The following WNK1 variants were observed in gnomAD, a reference collection of about 807,000 sequenced individuals.
WNK1 encodes the protein serine/threonine-protein kinase WNK1.
WNK1 carries 38 observed loss-of-function variants against 222.8 expected under a neutral mutation model. That is an observed-to-expected ratio of 0.17 (90% CI 0.13 to 0.22). WNK1 has a LOEUF of 0.22. Ranked by LOEUF, WNK1 falls within the 10% of genes least tolerant of loss-of-function variation. The pLI is 1.00. For missense variants in WNK1, 2,348 were observed against 2,918.4 expected (o/e 0.80, Z 4.50); for synonymous variants, 1,090 against 1,092.9 (o/e 1.00, Z 0.05).
chr12:904,886 T>C (rs1955569894), intron 26 of WNK1, among the ~76,000 whole-genome samples: 1 of 152,168 alleles, frequency 6.6e-6, no homozygotes, highest in South Asian at 2.1e-4. Context: ...AAGTGGGAGA[T>C]GTGTGCTAGA....
chr12:818,188 C>T (rs1343956872), intron 2 of WNK1, among the ~76,000 whole-genome samples: 3 of 152,174 alleles, frequency 2.0e-5, no homozygotes, highest in African/African-American at 7.2e-5. Flanking sequence ...TCCCTTCCTC[C>T]AGCCAGGCAG....
chr12:886,126 T>TG lies in WNK1; in HGVS notation c.5280+42_5280+43insG, dbSNP rs748385283. ...AAAATAATTAGATAAATATGATCAG[T>TG]TTTTTTTCTCCCTAATGAGTACATT... On this transcript the variant is annotated intron_variant, in intron 19 of 27. Transcript: ENST00000315939. The TG allele has an allele frequency of 6.5e-6, 9 of 1,387,714 alleles. No individual in the cohort carries two copies. In the Admixed American group the frequency reaches 2.4e-4, roughly 37 times the overall value. 86.0% of individuals were successfully genotyped at this position (1,387,714 alleles called of 1,614,324 possible). A position where few individuals can be genotyped will look rare whatever the true frequency, so the allele number is the denominator to read the frequency against.
At chr12:903,857 G>A (rs72650782) in intron 26 of WNK1, among the ~76,000 whole-genome samples, 2 of 152,122 alleles carry the variant, frequency 1.3e-5, no homozygotes, top group African/African-American at 2.4e-5. Context: ...TTGGAAGCAC[G>A]GCTTGGCTTA....
At chr12:900,181 T>G in intron 25 of WNK1, among the ~76,000 whole-genome samples, 1 of 151,940 alleles carries the variant, frequency 6.6e-6, no homozygotes, top group Non-Finnish European at 1.5e-5. Flanking sequence ...AGACAGGGTT[T>G]CATCATGTTG....
rs574406565 is a variant in WNK1, at chr12:806,866, T to G, written c.760-6776T>G. Reference sequence around the variant, plus strand: ...GACCTTGCCAGGCATAAAGATATTGTATATTTTTATGTACATGCTCAATAT... The same window carrying G: ...GACCTTGCCAGGCATAAAGATATTGGATATTTTTATGTACATGCTCAATAT... On this transcript the variant is annotated intron_variant, in intron 1 of 27. Coordinates refer to ENST00000315939, the MANE Select transcript of WNK1 (RefSeq NM_018979.4). 2.6e-5 allele frequency among the ~76,000 whole-genome samples: 4 copies of G among 152,362 alleles called. No homozygotes were observed. The South Asian group carries it at 8.3e-4, about 32-fold the overall frequency.
Position 791,317 on chromosome 12 carries a change from A to G in WNK1, c.760-22325A>G, listed in dbSNP as rs762969051. 3.9e-5 allele frequency among the ~76,000 whole-genome samples: 6 copies of G among 152,030 alleles called. No individual in the cohort carries two copies. The East Asian group carries it at 7.7e-4, about 19-fold the overall frequency. On this transcript the variant is annotated intron_variant, in intron 1 of 27. Coordinates refer to ENST00000315939, the MANE Select transcript of WNK1 (RefSeq NM_018979.4). ...CTTATAACTAAGAAAAAGATAATAC[A>G]TGAATAGAGAGGCCTATCTGGAAAT...
intron 26 of WNK1, among the ~76,000 whole-genome samples, chr12:901,321 G>A (rs985033722): frequency 6.6e-6 from 1 of 152,224 alleles, no homozygotes; most frequent in Non-Finnish European, 1.5e-5. Flanking sequence ...CACTTGATTG[G>A]TAAGGAGGGC....
At position 880,764 on chromosome 12, in the gene WNK1, A is replaced by G. The variant is rs779546840; in HGVS notation, c.2876A>G (p.Asn959Ser). ...RLPPQYPGDS[N>S]IAPSSNVASV... Reference sequence around the variant, plus strand: ...CCACCACAGTACCCAGGAGATTCAAATATTGCTCCCTCTTCCAACGTGGCT... The same window carrying G: ...CCACCACAGTACCCAGGAGATTCAAGTATTGCTCCCTCTTCCAACGTGGCT... Residue 959 changes from asparagine to serine, a missense_variant, in exon 12 of 28, where the codon AAT becomes AGT. By Grantham distance (46) the Asn-to-Ser change is conservative. This residue lies in a region of WNK1 where 547 missense variants were observed against 558.3 expected (regional missense o/e 0.98). Coordinates refer to ENST00000315939, the MANE Select transcript of WNK1 (RefSeq NM_018979.4). The G allele has an allele frequency of 6.2e-7, 1 of 1,613,740 alleles. No homozygotes were observed. The highest frequency in any genetic ancestry group is 1.1e-5 in the South Asian group (1 of 91,044).
intron 1 of WNK1, among the ~76,000 whole-genome samples, chr12:805,766 T>C (rs1000572238): frequency 1.3e-5 from 2 of 152,176 alleles, no homozygotes; most frequent in African/African-American, 4.8e-5. Context: ...ACTTATAAAT[T>C]GTCATTTAGG....
chr12:833,768 G>A lies in WNK1; in HGVS notation c.1311+3608G>A, dbSNP rs368602461. ...TAAAATATTTTAATCTAGTACATCT[G>A]TATAATTTCATCCTTATCTGTAGCA... On this transcript the variant is annotated intron_variant, in intron 4 of 27. Coordinates refer to ENST00000315939, the MANE Select transcript of WNK1 (RefSeq NM_018979.4). Among the ~76,000 whole-genome samples the A allele has an allele frequency of 2.0e-5, 3 of 151,966 alleles. No individual in the cohort carries two copies. In the South Asian group the frequency reaches 6.2e-4, roughly 32 times the overall value.
rs960175216 is a variant in WNK1, at chr12:752,629, C to G, written c.-937C>G. ...AGAGTTTCCCGGGTGGACGCGGCTC[C>G]TCTCTCGGCCACTCCGCACCCCCAT... On this transcript the variant is annotated 5_prime_UTR_variant, in exon 1 of 28. Transcript: ENST00000315939. 6.6e-6 allele frequency: 1 copy of G among 152,326 alleles called. No individual in the cohort carries two copies. Among genetic ancestry groups the G allele is most frequent in the Non-Finnish European group, 1.5e-5 (1 of 68,138 alleles). 9.4% of individuals were successfully genotyped at this position (152,326 alleles called of 1,614,324 possible).
Position 880,071 on chromosome 12 carries a change from G to A in WNK1, c.2832+40G>A, listed in dbSNP as rs201227489. On this transcript the variant is annotated intron_variant, in intron 11 of 27. Coordinates refer to ENST00000315939, the MANE Select transcript of WNK1 (RefSeq NM_018979.4). ...AGCAAAAGAGGGCACCACAGAGTTTGATCCTAGTAGATCATCAGGAACATG... is the reference window on the plus strand; with the variant it reads ...AGCAAAAGAGGGCACCACAGAGTTTAATCCTAGTAGATCATCAGGAACATG... The A allele has an allele frequency of 3.8e-6, 6 of 1,566,876 alleles. No individual in the cohort carries two copies. The African/African-American group carries it at 6.8e-5, about 18-fold the overall frequency.
intron 9 of WNK1, among the ~76,000 whole-genome samples, chr12:877,052 ATTTTTTTTTTTTTTTT>A (rs34011207): frequency 1.3e-5 from 1 of 77,104 alleles, no homozygotes; most frequent in Admixed American, 1.8e-4. Flanking sequence ...CCTAAACTTC[ATTTTTTTTTTTTTTTT>A]TTTTTTTTTT....
chr12:906,655 A>G lies in WNK1; in HGVS notation c.6644-1192A>G, dbSNP rs1054029808. ...AAATTGGGAGAGGTTAACCCCTCCC[A>G]AGTTTATGTTTGCAAATTCATGTTT... is the stretch of plus-strand genomic sequence containing the variant. On this transcript the variant is annotated intron_variant, in intron 26 of 27. Transcript: ENST00000315939. The G allele has an allele frequency of 5.1e-6, 5 of 985,202 alleles. No individual in the cohort carries two copies. The African/African-American group carries it at 7.0e-5, about 14-fold the overall frequency. 61.0% of individuals were successfully genotyped at this position (985,202 alleles called of 1,614,324 possible).
chr12:795,296 G>GTTTTTTTTTTTTTTTTT (rs35447912), intron 1 of WNK1, among the ~76,000 whole-genome samples: 10 of 133,022 alleles, frequency 7.5e-5, no homozygotes, highest in Non-Finnish European at 9.6e-5. Context: ...ATTTTCCGTT[G>GTTTTTTTTTTTTTTTTT]TTTTTTTTTT....
intron 1 of WNK1, among the ~76,000 whole-genome samples, chr12:781,522 A>C (rs1302276859): frequency 2.0e-5 from 3 of 152,240 alleles, no homozygotes; most frequent in Admixed American, 2.0e-4. Context: ...ATTTTGTATA[A>C]CAACTGAAGT....
At chr12:857,469 A>G (rs1052148218) in intron 5 of WNK1, among the ~76,000 whole-genome samples, 4 of 152,248 alleles carry the variant, frequency 2.6e-5, no homozygotes, top group Non-Finnish European at 4.4e-5. Context: ...TCAGTAAACC[A>G]GAACCACCAT....
At chr12:803,273 T>C (rs1305394982) in intron 1 of WNK1, among the ~76,000 whole-genome samples, 1 of 152,110 alleles carries the variant, frequency 6.6e-6, no homozygotes, top group Non-Finnish European at 1.5e-5. Flanking sequence ...TTTTTAAAGA[T>C]CATAAACAAA....
Position 785,883 on chromosome 12 carries a change from G to A in WNK1, c.760-27759G>A, listed in dbSNP as rs116650667. ...GCACTGAAAACTGATAAATAAATGC[G>A]GTTTGCTGATTGTGGGCCCCAGTAT... On this transcript the variant is annotated intron_variant, in intron 1 of 27. Transcript: ENST00000315939. Among the ~76,000 whole-genome samples the A allele has an allele frequency of 6.9e-3, 1,046 of 152,166 alleles. 14 individuals carry two copies. Among genetic ancestry groups the A allele is most frequent in the African/African-American group, 0.024 (997 of 41,502 alleles).
Sources: gnomAD v4.1 joint callset for allele counts (sites outside exome capture counted in the v4.1 genomes callset) on GRCh38, gnomAD v4.1.1 for gene constraint, gnomAD v4.1.1 regional missense constraint, MANE v1.5 for transcripts, NCBI Gene and HGNC (gene_info 2026-07-23, HGNC 2026-07-21) for gene names.